Variants in AMPH observed in about 807,000 individuals in gnomAD.
AMPH encodes amphiphysin, also known as amphiphysin (Stiff-Mann syndrome with breast cancer 128kD autoantigen).
Under a neutral mutation model 99.1 loss-of-function variants are expected in AMPH, and 49 were observed. The observed-to-expected ratio is 0.49, with a 90% CI of 0.39 to 0.63. AMPH has a LOEUF of 0.63. AMPH is among the 20% of genes least tolerant of loss of function. The pLI, the probability that AMPH is intolerant of heterozygous loss-of-function variation, is 0.00. For synonymous variants in AMPH, 314 were observed against 317.3 expected, an observed-to-expected ratio of 0.99 and a Z score of 0.11; for missense variants, 759 against 863.4, an observed-to-expected ratio of 0.88 and a Z score of 1.52.
intron 17 of AMPH, among the ~76,000 whole-genome samples, chr7:38,397,803 C>G (rs527682961): frequency 5.3e-5 from 8 of 151,668 alleles, no homozygotes; most frequent in Admixed American, 3.3e-4. Flanking sequence ...TCAAACAACT[C>G]TATGGGGAAA....
At chr7:38,481,715 C>G (rs1788289560) in intron 5 of AMPH, among the ~76,000 whole-genome samples, 1 of 152,038 alleles carries the variant, frequency 6.6e-6, no homozygotes, top group Admixed American at 6.6e-5. Context: ...CTGATGGGCT[C>G]AAGTAAATAT....
intron 1 of AMPH, among the ~76,000 whole-genome samples, chr7:38,624,136 G>C (rs1429826236): frequency 6.6e-6 from 1 of 152,156 alleles, no homozygotes; most frequent in Non-Finnish European, 1.5e-5. Context: ...GCAGGAGTGG[G>C]AGGTTAACAA....
At chr7:38,575,010 C>T (rs187939159) in intron 1 of AMPH, among the ~76,000 whole-genome samples, 4,142 of 143,520 alleles carry the variant, frequency 0.029, 80 homozygotes, top group Middle Eastern at 0.051. Context: ...GCCAAGATTG[C>T]GCCACTGCAC....
In AMPH at chr7:38,592,593, T is replaced by C. The variant is rs188811065; in HGVS notation, c.69+38690A>G. 2.1e-3 allele frequency among the ~76,000 whole-genome samples: 325 copies of C among 152,236 alleles called. 2 individuals carry two copies. The highest frequency in any genetic ancestry group is 6.8e-3 in the African/African-American group (283 of 41,542). ...TAAAAATATAAAAATTAGCCGGGCA[T>C]GGTGGTGGGCACCTGTAGTCCCAGC... On this transcript the variant is annotated intron_variant, in intron 1 of 20. Transcript: ENST00000356264.
chr7:38,483,032 G>A (rs777378303), intron 5 of AMPH, among the ~76,000 whole-genome samples: 4 of 152,086 alleles, frequency 2.6e-5, no homozygotes, highest in African/African-American at 9.7e-5. Context: ...AGGAAAAGGG[G>A]AGCTACATTC....
rs111700922 is a variant in AMPH at position 38,511,851 on chromosome 7, A to G, written c.151-8147T>C. 1.7e-3 allele frequency among the ~76,000 whole-genome samples: 261 copies of G among 152,352 alleles called. 3 individuals are homozygous for G. The Middle Eastern group carries it at 0.027, about 16-fold the overall frequency. On this transcript the variant is annotated intron_variant, in intron 2 of 20. Coordinates refer to ENST00000356264, the MANE Select transcript of AMPH (RefSeq NM_001635.4). ...ATTCTTATAACTAATCAGGTTTGGG[A>G]ACATATTCCAGCAGATATGCAATCA...
chr7:38,564,072 C>A (rs1204665435), intron 1 of AMPH, among the ~76,000 whole-genome samples: 1 of 152,166 alleles, frequency 6.6e-6, no homozygotes, highest in African/African-American at 2.4e-5. Flanking sequence ...GGGTTATTCT[C>A]CTTAACTATT....
Position 38,461,311 on chromosome 7 carries a change from G to A in AMPH, c.989C>T (p.Pro330Leu). 1 of 1,614,006 alleles carries A rather than the reference G, an allele frequency of 6.2e-7. No individual in the cohort carries two copies. Among genetic ancestry groups the A allele is most frequent in the South Asian group, 1.1e-5 (1 of 91,076 alleles). Residue 330 changes from proline to leucine, a missense_variant, in exon 11 of 21, where the codon CCA (proline) becomes CTA (leucine). Physicochemically the swap from Pro to Leu is moderately conservative, Grantham distance 98 (BLOSUM62 -3). Around this residue, in one of 2 missense-constraint regions of AMPH, gnomAD observed 554 missense variants for 575.6 expected, o/e 0.96. Coordinates refer to ENST00000356264, the MANE Select transcript of AMPH (RefSeq NM_001635.4). ...IISFFEDNFVPEISVTTPSQN... is the reference protein window; with the variant it reads ...IISFFEDNFVLEISVTTPSQN... ...GGAAGGTGTTGTCACACTGATTTCT[G>A]GAACAAAGTTGTCCTCAAAGAAACT...
chr7:38,615,113 C>T (rs747126905), intron 1 of AMPH, among the ~76,000 whole-genome samples: 9 of 152,146 alleles, frequency 5.9e-5, no homozygotes, highest in African/African-American at 1.7e-4. Context: ...GAACATTGCA[C>T]TGCAAAGTCA....
At chr7:38,592,730 C>CAAA (rs397755917) in intron 1 of AMPH, among the ~76,000 whole-genome samples, 1 of 98,702 alleles carries the variant, frequency 1.0e-5, no homozygotes, top group African/African-American at 4.0e-5. Context: ...GACTCCGTCT[C>CAAA]AAAAAAAAAA....
chr7:38,604,450 G>A (rs1231523708), intron 1 of AMPH, among the ~76,000 whole-genome samples: 1 of 152,216 alleles, frequency 6.6e-6, no homozygotes, highest in South Asian at 2.1e-4. Flanking sequence ...GTGGGGTAGA[G>A]AAAGGAGATA....
chr7:38,520,059 C>CCTTTCTCTCTCTCTCTGT (rs1340372624), intron 2 of AMPH, among the ~76,000 whole-genome samples: 1 of 152,004 alleles, frequency 6.6e-6, no homozygotes, highest in Non-Finnish European at 1.5e-5. Flanking sequence ...AACTCCTTTG[C>CCTTTCTCTCTCTCTCTGT]CTTTCTCTCT....
chr7:38,606,175 GATTT>G (rs1453308038), intron 1 of AMPH, among the ~76,000 whole-genome samples: 1 of 152,132 alleles, frequency 6.6e-6, no homozygotes. Flanking sequence ...TTGGTTTAGG[GATTT>G]GTTTTTTGCT....
intron 11 of AMPH, among the ~76,000 whole-genome samples, chr7:38,460,807 T>TAAGCCCCAATATTCAATAGCAGATTA (rs1787409036): frequency 1.3e-5 from 2 of 152,282 alleles, no homozygotes; most frequent in East Asian, 3.9e-4. Flanking sequence ...TTAGGGTGAC[T>TAAGCCCCAATATTCAATAGCAGATTA]GTAGTCAGCA....
chr7:38,502,138 T>C (rs1789160811), intron 3 of AMPH, among the ~76,000 whole-genome samples: 1 of 152,208 alleles, frequency 6.6e-6, no homozygotes, highest in East Asian at 1.9e-4. Context: ...TTTCACTATG[T>C]TGTCAAAATG....
intron 19 of AMPH, 144 bp downstream of exon 19, chr7:38,391,604 T>C: frequency 1.2e-6 from 1 of 808,334 alleles, no homozygotes; most frequent in South Asian, 1.9e-5. Context: ...TCCTGGCTTG[T>C]CCAAGTGATG....
At chr7:38,598,675 C>T (rs1793146060) in intron 1 of AMPH, among the ~76,000 whole-genome samples, 1 of 152,122 alleles carries the variant, frequency 6.6e-6, no homozygotes, top group East Asian at 1.9e-4. Flanking sequence ...GTTTATCAGC[C>T]TGTTTCTAAT....
rs181745233 is a variant in AMPH at position 38,599,627 on chromosome 7, C to T, written c.69+31656G>A. The stretch of plus-strand genomic sequence containing the variant: ...TTTTTACTGCATTGCGGGGTTGGCA[C>T]CCCTAACCGCCACATTGTTAAAGGG... On this transcript the variant is annotated intron_variant, in intron 1 of 20. Transcript: ENST00000356264. Among the ~76,000 whole-genome samples the T allele has an allele frequency of 3.1e-3, 471 of 152,176 alleles. 2 individuals carry two copies. Among genetic ancestry groups the T allele is most frequent in the African/African-American group, 0.011 (458 of 41,526 alleles).
chr7:38,456,512 C>T (rs1164169420), intron 11 of AMPH, among the ~76,000 whole-genome samples: 1 of 152,190 alleles, frequency 6.6e-6, no homozygotes, highest in Admixed American at 6.5e-5. Flanking sequence ...GAATATTCCT[C>T]CTGGGTCTGA....
Sources: gnomAD v4.1 joint callset for allele counts (sites outside exome capture counted in the v4.1 genomes callset) on GRCh38, gnomAD v4.1.1 for gene constraint, gnomAD v4.1.1 regional missense constraint, MANE v1.5 for transcripts, NCBI Gene and HGNC (gene_info 2026-07-23, HGNC 2026-07-21) for gene names.